Variants in CIT observed in about 807,000 individuals in gnomAD.
CIT encodes citron rho-interacting serine/threonine kinase.
A neutral mutation model predicts 272.7 loss-of-function variants in CIT; 79 were observed. The observed-to-expected ratio is 0.29, with a 90% confidence interval of 0.24 to 0.35. The LOEUF is 0.35. Among genes scored for constraint, CIT ranks in the 10% least tolerant of loss-of-function variants. The probability of loss-of-function intolerance (pLI) is 1.00; values close to 1 mark genes in which losing one functional copy is unlikely to be tolerated. For synonymous variants in CIT, 948 were observed against 995.6 expected (o/e 0.95, Z 0.90); for missense variants, 1,909 against 2,618.3 (o/e 0.73, Z 5.91).
chr12:119,698,701 C>T (rs1315674882), intron 44 of CIT, among the ~76,000 whole-genome samples: 1 of 152,046 alleles, frequency 6.6e-6, no homozygotes, highest in Non-Finnish European at 1.5e-5. Context: ...GTACACTGCT[C>T]AGTGCAAAAA....
Position 119,694,690 on chromosome 12 carries a change from G to A in CIT, c.5882+2969C>T, listed in dbSNP as rs1259254605. Among the ~76,000 whole-genome samples the A allele has an allele frequency of 6.6e-6, 1 of 152,024 alleles. No homozygotes were observed. Among genetic ancestry groups the A allele is most frequent in the Non-Finnish European group, 1.5e-5 (1 of 68,006 alleles). The stretch of plus-strand genomic sequence containing the variant: ...GTGGTGGCGGGCGCCTGTAGTCCCA[G>A]CTACTCGGGGGGAGGCTGAAGTCGG... On this transcript the variant is annotated intron_variant, in intron 46 of 47. Coordinates refer to ENST00000392521, the MANE Select transcript of CIT (RefSeq NM_001206999.2). This position sits in a 1 kb window ranked among gnomAD's most constrained non-coding sequence, Gnocchi z 4.5.
chr12:119,771,146 G>A (rs1309815327), intron 17 of CIT, among the ~76,000 whole-genome samples: 1 of 152,180 alleles, frequency 6.6e-6, no homozygotes, highest in African/African-American at 2.4e-5. Context: ...TCTGCAAAGT[G>A]CCACCTAGGC....
chr12:119,765,261 G>T (rs1962283149), intron 19 of CIT, among the ~76,000 whole-genome samples: 1 of 150,720 alleles, frequency 6.6e-6, no homozygotes, highest in Admixed American at 6.6e-5. Context: ...TAAATAGCCA[G>T]GTATGGTGTC....
chr12:119,845,679 T>C (rs1393563025), intron 5 of CIT, among the ~76,000 whole-genome samples: 3 of 128,880 alleles, frequency 2.3e-5, no homozygotes, highest in Non-Finnish European at 3.2e-5. Context: ...AAGCCAGGCG[T>C]GGTGGCTCAC....
At chr12:119,812,991 C>G (rs1966868052) in intron 9 of CIT, among the ~76,000 whole-genome samples, 1 of 152,226 alleles carries the variant, frequency 6.6e-6, no homozygotes, top group Non-Finnish European at 1.5e-5. Flanking sequence ...AGGCACTCAA[C>G]CAACCGAACA....
intron 3 of CIT, among the ~76,000 whole-genome samples, chr12:119,863,996 C>G (rs1417590323): frequency 1.3e-5 from 2 of 152,070 alleles, no homozygotes; most frequent in Non-Finnish European, 2.9e-5. Context: ...GTCTTCACAA[C>G]TGTCAGCAAT....
chr12:119,759,064 C>G (rs746528936), intron 20 of CIT, among the ~76,000 whole-genome samples: 1 of 152,212 alleles, frequency 6.6e-6, no homozygotes, highest in Non-Finnish European at 1.5e-5. Context: ...TTTATCACCA[C>G]CTCCTCGAGG....
intron 3 of CIT, 87 bp downstream of exon 3, chr12:119,868,973 T>TA (rs1950590189): frequency 6.7e-7 from 1 of 1,497,628 alleles, no homozygotes; most frequent in African/African-American, 1.4e-5. Flanking sequence ...TACCGACTAC[T>TA]ATCAACCAGT....
chr12:119,776,292 GATA>G, intron 15 of CIT, 63 bp downstream of exon 15: 1 of 1,213,184 alleles, frequency 8.2e-7, no homozygotes, highest in Non-Finnish European at 1.2e-6. Context: ...ATGGGCCACT[GATA>G]ATAACATGAA....
intron 3 of CIT, among the ~76,000 whole-genome samples, chr12:119,860,645 C>T (rs1400695199): frequency 2.0e-5 from 3 of 152,070 alleles, no homozygotes; most frequent in Admixed American, 6.6e-5. Flanking sequence ...CTGTCAGTGG[C>T]GACCACCAGC....
Position 119,857,651 on chromosome 12 carries a change from C to T in CIT, c.286G>A (p.Asp96Asn). ...ELQELQPSAK[D>N]FEVRSLVGCG... ...CCTACAAGACTTCTGACTTCGAAGT[C>T]CTTTGCCGAAGGCTGGAGCTCCTGT... Residue 96 changes from aspartate (D) to asparagine (N), a missense_variant, in exon 4 of 48, where the codon GAC becomes AAC. Asp to Asn is a conservative substitution (Grantham distance 23, BLOSUM62 1). Coordinates refer to ENST00000392521, the MANE Select transcript of CIT (RefSeq NM_001206999.2). 1 of 1,614,196 alleles carries T rather than the reference C, an allele frequency of 6.2e-7. No homozygotes were observed.
chr12:119,744,157 A>AAAACAAAC (rs1295064279), intron 23 of CIT, among the ~76,000 whole-genome samples: 1 of 152,156 alleles, frequency 6.6e-6, no homozygotes, highest in Non-Finnish European at 1.5e-5. Flanking sequence ...GATGGTGGCA[A>AAAACAAAC]AAACAAACAA....
chr12:119,699,696 G>A, intron 44 of CIT: 1 of 423,304 alleles, frequency 2.4e-6, no homozygotes, highest in East Asian at 7.1e-5. Flanking sequence ...TTGTGAGCCT[G>A]TCTTGGGCTT....
chr12:119,813,829 A>AG (rs1966900301), intron 9 of CIT, among the ~76,000 whole-genome samples: 2 of 152,344 alleles, frequency 1.3e-5, no homozygotes, highest in East Asian at 3.9e-4. Flanking sequence ...ACCAGGTCAC[A>AG]GGGGGTCTCA....
chr12:119,792,099 A>C (rs1965359828), intron 10 of CIT, among the ~76,000 whole-genome samples: 1 of 152,224 alleles, frequency 6.6e-6, no homozygotes. Context: ...CCTTCCTACA[A>C]GCAAGTGTAC....
At chr12:119,802,571 C>T (rs1014481107) in intron 10 of CIT, among the ~76,000 whole-genome samples, 4 of 152,142 alleles carry the variant, frequency 2.6e-5, no homozygotes, top group African/African-American at 9.7e-5. Flanking sequence ...ACATCACACT[C>T]CCTCCTGGTG....
chr12:119,869,148 C>G lies in CIT; in HGVS notation c.150G>C (p.Gly50=). The G allele has an allele frequency of 1.2e-6, 2 of 1,613,216 alleles. No homozygotes were observed. The highest frequency in any genetic ancestry group is 1.7e-6 in the Non-Finnish European group (2 of 1,179,754). Residue 50 remains glycine, a synonymous_variant, in exon 3 of 48, where the codon GGG becomes GGC. Coordinates refer to ENST00000392521, the MANE Select transcript of CIT (RefSeq NM_001206999.2). ...QQQMSPLSRE[G]ILDALFVLFE... is the part of the protein sequence containing the mutation. ...AGAGAACAAAGAGGGCATCTAATAT[C>G]CCTTCTCGGGAAAGAGGAGACATCT...
At chr12:119,717,662 C>T (rs1044350609) in intron 32 of CIT, among the ~76,000 whole-genome samples, 24 of 151,364 alleles carry the variant, frequency 1.6e-4, no homozygotes, top group Non-Finnish European at 2.7e-4. Flanking sequence ...CTCAGGTGAT[C>T]CGCCTGCCTC....
At chr12:119,756,902 G>A (rs922550745) in intron 22 of CIT, among the ~76,000 whole-genome samples, 2 of 152,150 alleles carry the variant, frequency 1.3e-5, no homozygotes, top group Non-Finnish European at 2.9e-5. Flanking sequence ...GCTGAGGCGG[G>A]TGGATCACTT....
Sources: allele counts gnomAD v4.1 joint callset (sites outside exome capture counted in the v4.1 genomes callset), GRCh38; gene constraint gnomAD v4.1.1; non-coding constraint Gnocchi (gnomAD v3.1); transcripts MANE v1.5; gene names NCBI Gene and HGNC (gene_info 2026-07-23, HGNC 2026-07-21).